NOVA1: variants seen among roughly 807,000 people sequenced by gnomAD.
The protein encoded by NOVA1 is NOVA alternative splicing regulator 1, also known as RNA-binding protein Nova-1.
NOVA1 carries 7 observed loss-of-function variants against 38.0 expected under a neutral mutation model. That is an observed-to-expected ratio of 0.18 (90% confidence interval 0.10 to 0.35). The LOEUF (loss-of-function observed/expected upper bound fraction) is 0.35. NOVA1 is among the 10% of genes least tolerant of loss of function. The pLI is 1.00. For synonymous variants in NOVA1, 270 were observed against 232.5 expected, an observed-to-expected ratio of 1.16 and a Z score of -1.47; for missense variants, 460 against 616.0, an observed-to-expected ratio of 0.75 and a Z score of 2.68.
intron 2 of NOVA1, among the ~76,000 whole-genome samples, chr14:26,586,690 A>G (rs1893533110): frequency 6.6e-6 from 1 of 151,204 alleles, no homozygotes; most frequent in African/African-American, 2.4e-5. Flanking sequence ...TGCTGCAGAA[A>G]TCTAATCACC....
chr14:26,538,066 A>G (rs1188414988), intron 2 of NOVA1, among the ~76,000 whole-genome samples: 1 of 152,150 alleles, frequency 6.6e-6, no homozygotes. Context: ...CGGCAGGGGG[A>G]AACTGACATA....
intron 4 of NOVA1, among the ~76,000 whole-genome samples, chr14:26,451,889 T>C (rs983497925): frequency 5.3e-5 from 8 of 152,154 alleles, no homozygotes; most frequent in African/African-American, 1.9e-4. Flanking sequence ...ACAATCAATG[T>C]TTAATCAAAT....
At chr14:26,588,198 C>A (rs939778250) in intron 2 of NOVA1, among the ~76,000 whole-genome samples, 53 of 148,966 alleles carry the variant, frequency 3.6e-4, no homozygotes, top group Admixed American at 1.0e-3. Flanking sequence ...AAAAAAAAAA[C>A]ACTACCATCT....
intron 2 of NOVA1, among the ~76,000 whole-genome samples, chr14:26,482,010 A>C (rs1407697390): frequency 4.3e-5 from 5 of 115,908 alleles, no homozygotes; most frequent in Non-Finnish European, 8.0e-5. Context: ...AAAAAAAAAA[A>C]AAAACATGGC....
chr14:26,514,075 T>C (rs542331644), intron 2 of NOVA1, among the ~76,000 whole-genome samples: 2 of 151,882 alleles, frequency 1.3e-5, no homozygotes, highest in African/African-American at 4.8e-5. Context: ...AACTTATTTT[T>C]AAAGTGCAAG....
intron 2 of NOVA1, among the ~76,000 whole-genome samples, chr14:26,518,862 T>C (rs1888665266): frequency 6.6e-6 from 1 of 152,068 alleles, no homozygotes; most frequent in Admixed American, 6.6e-5. Context: ...AGTTTTTAAA[T>C]TGTATTTGGC....
intron 2 of NOVA1, among the ~76,000 whole-genome samples, chr14:26,588,749 AAT>A (rs1893678002): frequency 6.6e-6 from 1 of 151,530 alleles, no homozygotes; most frequent in Non-Finnish European, 1.5e-5. Context: ...ATTGATTAAA[AAT>A]AGTCAATCAT....
chr14:26,566,897 C>G (rs1166090445), intron 2 of NOVA1, among the ~76,000 whole-genome samples: 1 of 152,112 alleles, frequency 6.6e-6, no homozygotes, highest in African/African-American at 2.4e-5. Flanking sequence ...CTTAAGAAAT[C>G]AATCCTTAGA....
chr14:26,491,500 T>C (rs1176985161), intron 2 of NOVA1, among the ~76,000 whole-genome samples: 2 of 152,230 alleles, frequency 1.3e-5, no homozygotes, highest in African/African-American at 4.8e-5. Flanking sequence ...CCATTTTTGT[T>C]ACTGAATAAT....
chr14:26,597,054 C>A, intron 1 of NOVA1: 2 of 1,225,878 alleles, frequency 1.6e-6, no homozygotes, highest in Non-Finnish European at 2.0e-6. Flanking sequence ...TAGGTCTATT[C>A]CGAAAAACTG....
intron 2 of NOVA1, among the ~76,000 whole-genome samples, chr14:26,513,720 T>G (rs1888263858): frequency 6.6e-6 from 1 of 151,778 alleles, no homozygotes; most frequent in African/African-American, 2.4e-5. Context: ...TGATAAATAT[T>G]AATACTAAAA....
intron 2 of NOVA1, among the ~76,000 whole-genome samples, chr14:26,581,628 T>C (rs1370565136): frequency 6.6e-6 from 1 of 152,024 alleles, no homozygotes; most frequent in African/African-American, 2.4e-5. Context: ...TAGTTATTAC[T>C]ATTTTCCTTT....
chr14:26,463,993 T>C (rs1304011601), intron 4 of NOVA1, among the ~76,000 whole-genome samples: 1 of 152,184 alleles, frequency 6.6e-6, no homozygotes. Context: ...AGGTAGGTAG[T>C]CACATTTTAC....
intron 2 of NOVA1, among the ~76,000 whole-genome samples, chr14:26,526,966 A>G (rs1889346734): frequency 6.6e-6 from 1 of 152,128 alleles, no homozygotes. Context: ...AATCTTGGAC[A>G]TCCTGGAGAC....
rs1881820304 is a variant in NOVA1 at position 26,443,214 on chromosome 14, T to C, written c.*4745A>G. 6.6e-6 allele frequency: 1 copy of C among 152,036 alleles called. No homozygotes were observed. The highest frequency in any genetic ancestry group is 2.4e-5 in the African/African-American group (1 of 41,432). 9.4% of individuals were successfully genotyped at this position (152,036 alleles called of 1,614,324 possible). A position where few individuals can be genotyped will look rare whatever the true frequency, so the allele number is the denominator to read the frequency against. On this transcript the variant is annotated 3_prime_UTR_variant, in exon 5 of 5. Transcript: ENST00000539517. ...TCCACAGTTTTTGCTTGTTTATATATCTATGGTAACCCAAGTATTGGCTTC... is the reference window on the plus strand; with the variant it reads ...TCCACAGTTTTTGCTTGTTTATATACCTATGGTAACCCAAGTATTGGCTTC...
chr14:26,449,045 AAAT>A (rs1029928162), intron 4 of NOVA1, 82 bp from the exon 5 acceptor site: 13 of 1,282,712 alleles, frequency 1.0e-5, no homozygotes, highest in African/African-American at 1.5e-5. Context: ...TAGAAAAGTA[AAAT>A]AATAAACTGA....
chr14:26,560,195 T>A (rs1486618514), intron 2 of NOVA1, among the ~76,000 whole-genome samples: 1 of 152,102 alleles, frequency 6.6e-6, no homozygotes, highest in Non-Finnish European at 1.5e-5. Context: ...ATGTCTATGA[T>A]TTGTCATATT....
intron 4 of NOVA1, among the ~76,000 whole-genome samples, chr14:26,454,348 G>A (rs1392694132): frequency 6.6e-6 from 1 of 152,118 alleles, no homozygotes; most frequent in East Asian, 1.9e-4. Flanking sequence ...CATGACGCAG[G>A]ATGGCCAAAC....
intron 4 of NOVA1, among the ~76,000 whole-genome samples, chr14:26,463,864 A>G (rs1883903933): frequency 6.6e-6 from 1 of 152,214 alleles, no homozygotes; most frequent in South Asian, 2.1e-4. Context: ...CACCATTCAT[A>G]AAATAAAACA....
Sources: allele counts gnomAD v4.1 joint callset (sites outside exome capture counted in the v4.1 genomes callset), GRCh38; gene constraint gnomAD v4.1.1; transcripts MANE v1.5; gene names NCBI Gene and HGNC (gene_info 2026-07-23, HGNC 2026-07-21).